Variants in NAV1 observed in about 807,000 individuals in gnomAD.
The protein encoded by NAV1 is neuron navigator 1.
A neutral mutation model predicts 175.2 loss-of-function variants in NAV1; 18 were observed. The ratio of observed to expected loss-of-function variants is 0.10; its 90% CI spans 0.07 to 0.15. The LOEUF (loss-of-function observed/expected upper bound fraction) is 0.15. Ranked by LOEUF, NAV1 falls within the 10% of genes least tolerant of loss-of-function variation. NAV1 has a pLI of 1.00. For synonymous variants in NAV1, 897 were observed against 978.7 expected, an observed-to-expected ratio of 0.92 and a Z score of 1.56; for missense variants, 1,731 against 2,436.6, an observed-to-expected ratio of 0.71 and a Z score of 6.10.
exon 30 of NAV1, chr1:201,822,165 C>T (rs1304778434): frequency 6.5e-6 from 1 of 152,724 alleles, no homozygotes; most frequent in Non-Finnish European, 1.5e-5. Flanking sequence ...CCCTAACCAA[C>T]TCAGCTGTAA....
At chr1:201,774,578 C>G (rs1157718088) in intron 3 of NAV1, among the ~76,000 whole-genome samples, 4 of 152,034 alleles carry the variant, frequency 2.6e-5, no homozygotes, top group African/African-American at 4.8e-5. Context: ...ATCACTTGAA[C>G]CCAGGAGTTC....
At chr1:201,653,228 T>C (rs7367452) in intron 1 of NAV1, among the ~76,000 whole-genome samples, 37,876 of 152,048 alleles carry the variant, frequency 0.25, 5,023 homozygotes, top group Admixed American at 0.39. Flanking sequence ...AAAGCAAAAC[T>C]AGTCTTTTGA....
intron 1 of NAV1, among the ~76,000 whole-genome samples, chr1:201,548,216 T>C (rs975759408): frequency 5.3e-5 from 8 of 152,232 alleles, no homozygotes; most frequent in Admixed American, 4.6e-4. Flanking sequence ...TGACATTTAC[T>C]GATAGTCTTT....
intron 1 of NAV1, among the ~76,000 whole-genome samples, chr1:201,697,970 T>A (rs938957734): frequency 6.6e-6 from 1 of 152,148 alleles, no homozygotes; most frequent in Non-Finnish European, 1.5e-5. Flanking sequence ...GGCCCAGACA[T>A]TGAATACCTT....
At chr1:201,736,350 A>G (rs1411037940) in intron 3 of NAV1, among the ~76,000 whole-genome samples, 1 of 152,178 alleles carries the variant, frequency 6.6e-6, no homozygotes, top group Non-Finnish European at 1.5e-5. Flanking sequence ...CAAGCAAGCA[A>G]CACTGGAATT....
At chr1:201,602,666 G>GTTTTTTTTTTTTTTT (rs141386046) in intron 2 of NAV1, among the ~76,000 whole-genome samples, 2 of 92,420 alleles carry the variant, frequency 2.2e-5, no homozygotes, top group African/African-American at 3.7e-5. Context: ...TTTTTTTTTT[G>GTTTTTTTTTTTTTTT]GTTTTTTTTT....
At chr1:201,580,776 GA>G (rs80310053) in intron 1 of NAV1, among the ~76,000 whole-genome samples, 7,196 of 147,740 alleles carry the variant, frequency 0.049, 401 homozygotes, top group East Asian at 0.16. Flanking sequence ...TCTTAAAAAA[GA>G]AAAAAAAAAG....
chr1:201,550,936 T>A (rs1665834406), intron 1 of NAV1, among the ~76,000 whole-genome samples: 1 of 152,232 alleles, frequency 6.6e-6, no homozygotes, highest in Admixed American at 6.5e-5. Flanking sequence ...CTATCAGAGT[T>A]CTTCCTCAGG....
chr1:201,821,501 AACAGAC>A (rs1340836483), exon 30 of NAV1: 5 of 121,280 alleles, frequency 4.1e-5, no homozygotes, highest in Admixed American at 1.9e-4. Context: ...ATTAGGTTAA[AACAGAC>A]ACACACACAC....
At chr1:201,629,446 C>A in exon 2 of NAV1, 5 of 1,304,256 alleles carry the variant, frequency 3.8e-6, no homozygotes, top group Non-Finnish European at 5.1e-6. Context: ...CCCAGGGCAG[C>A]TGGCCCCTTG....
intron 11 of NAV1, 32 bp downstream of exon 15, chr1:201,789,824 C>T (rs776891419): frequency 2.5e-6 from 4 of 1,597,012 alleles, no homozygotes; most frequent in Non-Finnish European, 3.4e-6. Context: ...CCCCTCTCAT[C>T]CCCTCCCCTC....
chr1:201,764,324 C>A (rs185123044), intron 3 of NAV1, among the ~76,000 whole-genome samples: 9 of 152,280 alleles, frequency 5.9e-5, no homozygotes, highest in African/African-American at 2.2e-4. Context: ...AGTTCCGAAG[C>A]CCAGCAGTGC....
chr1:201,663,871 C>T (rs1472141436), intron 1 of NAV1, among the ~76,000 whole-genome samples: 1 of 152,024 alleles, frequency 6.6e-6, no homozygotes, highest in Non-Finnish European at 1.5e-5. Context: ...CAGAGGAGCC[C>T]AGCCTGGACC....
At chr1:201,616,310 T>TG (rs2102265608) in intron 2 of NAV1, among the ~76,000 whole-genome samples, 1 of 152,234 alleles carries the variant, frequency 6.6e-6, no homozygotes, top group East Asian at 1.9e-4. Context: ...GAGTCTGTAT[T>TG]GGGGCACTGA....
rs371128925 is a variant in NAV1 at position 201,608,724 on chromosome 1, A to G, written c.-32-14129A>G. On this transcript the variant is annotated intron_variant, in intron 2 of 33. Transcript: ENST00000685211. ...GGACTTTTTTTCTGAGATTGGGGTC[A>G]GCTGGGGGAGGAGGGTTTCTCTCCT... Among the ~76,000 whole-genome samples, 12 of 152,244 alleles carry G rather than the reference A, an allele frequency of 7.9e-5. No homozygotes were observed. The East Asian group carries it at 1.7e-3, about 22-fold the overall frequency.
Position 201,740,070 on chromosome 1 carries a change from C to G in NAV1, c.1226+21315C>G. ...AGATCCGGAAGAACGGTGAATTTCCCCCGCAGGTAAGCGCCCCCACCCCCC... is the reference window on the plus strand; with the variant it reads ...AGATCCGGAAGAACGGTGAATTTCCGCCGCAGGTAAGCGCCCCCACCCCCC... On this transcript the variant is annotated intron_variant, in intron 3 of 29. Transcript: ENST00000367296. This position sits in a 1 kb window ranked among gnomAD's most constrained non-coding sequence, Gnocchi z 4.7. 6.7e-7 allele frequency: 1 copy of G among 1,487,734 alleles called. No individual in the cohort carries two copies. The highest frequency in any genetic ancestry group is 9.0e-7 in the Non-Finnish European group (1 of 1,116,866). 92.2% of individuals were successfully genotyped at this position (1,487,734 alleles called of 1,614,324 possible).
At chr1:201,547,357 T>C (rs1665704062) in intron 1 of NAV1, among the ~76,000 whole-genome samples, 1 of 152,206 alleles carries the variant, frequency 6.6e-6, no homozygotes, top group Non-Finnish European at 1.5e-5. Flanking sequence ...TTTAACAGAA[T>C]TGTTTAATAT....
At chr1:201,755,131 A>G (rs1481624658) in intron 3 of NAV1, among the ~76,000 whole-genome samples, 1 of 152,258 alleles carries the variant, frequency 6.6e-6, no homozygotes, top group Non-Finnish European at 1.5e-5. Flanking sequence ...TACACATTTC[A>G]ACATTTTTCA....
chr1:201,542,812 G>T (rs1055978265), intron 1 of NAV1, among the ~76,000 whole-genome samples: 6 of 152,208 alleles, frequency 3.9e-5, no homozygotes, highest in African/African-American at 7.2e-5. Context: ...GCCAAGGACC[G>T]TTACTAACAA....
Sources: allele counts gnomAD v4.1 joint callset (sites outside exome capture counted in the v4.1 genomes callset), GRCh38; gene constraint gnomAD v4.1.1; non-coding constraint Gnocchi (gnomAD v3.1); transcripts MANE v1.5; gene names NCBI Gene and HGNC (gene_info 2026-07-23, HGNC 2026-07-21).